The following AKR1B10 variants were observed in gnomAD, a reference collection of about 807,000 sequenced individuals.
AKR1B10 encodes ARP.
Under a neutral mutation model 38.9 loss-of-function variants are expected in AKR1B10, and 39 were observed. The ratio of observed to expected loss-of-function variants is 1.00; its 90% confidence interval spans 0.78 to 1.31. AKR1B10 has a LOEUF of 1.31. AKR1B10 is among the 50% of genes most tolerant of loss of function. AKR1B10 has a pLI of 0.00. For synonymous variants in AKR1B10, 148 were observed against 141.2 expected (o/e 1.05, Z -0.34); for missense variants, 361 against 382.6 (o/e 0.94, Z 0.47).
Position 134,531,873 on chromosome 7 carries a change from C to T in AKR1B10, c.235-35C>T. ...GAGTACAATGTGGCCCTTCCTTTTCCCAGTATTAATAGCTCATTGCTACAC... is the reference window on the plus strand; with the variant it reads ...GAGTACAATGTGGCCCTTCCTTTTCTCAGTATTAATAGCTCATTGCTACAC... On this transcript the variant is annotated intron_variant, in intron 2 of 9. Coordinates refer to ENST00000359579, the MANE Select transcript of AKR1B10 (RefSeq NM_020299.5). 4 of 1,612,114 alleles carry T rather than the reference C, an allele frequency of 2.5e-6. 1 individual carries two copies. The highest frequency in any genetic ancestry group is 3.4e-6 in the Non-Finnish European group (4 of 1,178,348).
chr7:134,538,922 C>G lies in AKR1B10; in HGVS notation c.826-13C>G. On this transcript the variant is annotated splice_polypyrimidine_tract_variant and intron_variant, in intron 8 of 9. Coordinates refer to ENST00000359579, the MANE Select transcript of AKR1B10 (RefSeq NM_020299.5). ...GCCTTACTGATGATGTATTGGAACT[C>G]CTACCTTTCCAGGTCTTTGACTTTA... 6.2e-7 allele frequency: 1 copy of G among 1,614,018 alleles called. No individual in the cohort carries two copies. The highest frequency in any genetic ancestry group is 8.5e-7 in the Non-Finnish European group (1 of 1,179,944).
chr7:134,527,734 T>TTAAGAA lies in AKR1B10; in HGVS notation c.-178_-177insTAAGAA. 5.1e-6 allele frequency: 3 copies of TTAAGAA among 586,950 alleles called. No homozygotes were observed. The highest frequency in any genetic ancestry group is 5.2e-6 in the Non-Finnish European group (2 of 386,476). 36.4% of individuals were successfully genotyped at this position (586,950 alleles called of 1,614,324 possible). On this transcript the variant is annotated 5_prime_UTR_variant, in exon 1 of 10. Coordinates refer to ENST00000359579, the MANE Select transcript of AKR1B10 (RefSeq NM_020299.5). Reference sequence around the variant, plus strand: ...CACGGTGGGCGCCTGTAATCCCAGCTACTCGGGAGGCTGAGGCAGGAGAAT... The same window carrying TTAAGAA: ...CACGGTGGGCGCCTGTAATCCCAGCTTAAGAAACTCGGGAGGCTGAGGCAGGAGAAT...
chr7:134,539,038 T>A, intron 9 of AKR1B10, 21 bp downstream of exon 9: 1 of 1,613,796 alleles, frequency 6.2e-7, no homozygotes, highest in Non-Finnish European at 8.5e-7. Flanking sequence ...TGGAGTTAAC[T>A]AGAAGCATTG....
At position 134,538,925 on chromosome 7, in the gene AKR1B10, A is replaced by T. The variant is rs748241809; in HGVS notation, c.826-10A>T. Reference sequence around the variant, plus strand: ...TTACTGATGATGTATTGGAACTCCTACCTTTCCAGGTCTTTGACTTTAAAT... The same window carrying T: ...TTACTGATGATGTATTGGAACTCCTTCCTTTCCAGGTCTTTGACTTTAAAT... On this transcript the variant is annotated splice_polypyrimidine_tract_variant and intron_variant, in intron 8 of 9. Coordinates refer to ENST00000359579, the MANE Select transcript of AKR1B10 (RefSeq NM_020299.5). The T allele has an allele frequency of 2.5e-6, 4 of 1,613,846 alleles. No homozygotes were observed. Among genetic ancestry groups the T allele is most frequent in the Non-Finnish European group, 3.4e-6 (4 of 1,179,962 alleles).
intron 2 of AKR1B10, 30 bp downstream of exon 2, chr7:134,530,840 C>A: frequency 6.3e-7 from 1 of 1,584,600 alleles, no homozygotes; most frequent in Non-Finnish European, 8.6e-7. Flanking sequence ...GGGAGGCCTT[C>A]ACTTCAAGGC....
chr7:134,530,317 G>T (rs994874866), intron 1 of AKR1B10, among the ~76,000 whole-genome samples: 1 of 152,142 alleles, frequency 6.6e-6, no homozygotes, highest in African/African-American at 2.4e-5. Flanking sequence ...GCTAGGATAG[G>T]ACATAAGGAC....
At chr7:134,537,402 G>T (rs180671870) in intron 6 of AKR1B10, among the ~76,000 whole-genome samples, 178 bp from the exon 7 acceptor site, 1 of 152,236 alleles carries the variant, frequency 6.6e-6, no homozygotes, top group East Asian at 1.9e-4. Context: ...GGTGAACCAG[G>T]CTTTGCAAAA....
chr7:134,532,731 G>C (rs1807894703), intron 3 of AKR1B10, among the ~76,000 whole-genome samples: 2 of 152,300 alleles, frequency 1.3e-5, no homozygotes. Context: ...ATGGGATCTA[G>C]GTGTATGAGG....
chr7:134,539,098 C>G, intron 9 of AKR1B10, 81 bp downstream of exon 9: 3 of 1,535,556 alleles, frequency 2.0e-6, no homozygotes, highest in Non-Finnish European at 2.7e-6. Context: ...GATTGGAAGG[C>G]TGCTGGGACT....
chr7:134,539,120 C>T, intron 9 of AKR1B10, 103 bp downstream of exon 9: 2 of 1,421,016 alleles, frequency 1.4e-6, no homozygotes, highest in South Asian at 2.5e-5. Context: ...CTTGTGTCTT[C>T]AAATACTATT....
At position 134,534,392 on chromosome 7, in the gene AKR1B10, G is replaced by T. The variant is rs542603296; in HGVS notation, c.429+1311G>T. 1.8e-3 allele frequency among the ~76,000 whole-genome samples: 276 copies of T among 152,284 alleles called. 1 individual carries two copies. The highest frequency in any genetic ancestry group is 6.0e-3 in the African/African-American group (250 of 41,576). On this transcript the variant is annotated intron_variant, in intron 4 of 9. Transcript: ENST00000359579. ...CTGTCTTGGCCTCCCAAAGTGCTCAGATTACAGGTGTGAGCCACCACACCT... is the reference window on the plus strand; with the variant it reads ...CTGTCTTGGCCTCCCAAAGTGCTCATATTACAGGTGTGAGCCACCACACCT...
rs1808061326 is a variant in AKR1B10 at position 134,538,179 on chromosome 7, C to T, written c.742-15C>T. 18 of 1,612,388 alleles carry T rather than the reference C, an allele frequency of 1.1e-5. No homozygotes were observed. The highest frequency in any genetic ancestry group is 1.5e-5 in the Non-Finnish European group (18 of 1,178,462). On this transcript the variant is annotated splice_polypyrimidine_tract_variant and intron_variant, in intron 7 of 9. Transcript: ENST00000359579. ...TTGGAGCTGAGTGGAAGCCTGATGT[C>T]CCCTTTCCGCATAGGTTCTGATCCG...
chr7:134,530,943 A>C (rs1380558958), intron 2 of AKR1B10, 133 bp downstream of exon 2: 12 of 1,244,340 alleles, frequency 9.6e-6, no homozygotes, highest in Non-Finnish European at 1.0e-5. Flanking sequence ...AACATCCGTG[A>C]ATACAACACT....
chr7:134,528,695 A>T (rs1039253531), intron 1 of AKR1B10, among the ~76,000 whole-genome samples: 7 of 152,138 alleles, frequency 4.6e-5, no homozygotes, highest in Non-Finnish European at 8.8e-5. Flanking sequence ...ACTGCACTCC[A>T]GTCTGGGCAA....
chr7:134,538,358 A>G, intron 8 of AKR1B10, 81 bp downstream of exon 8: 1 of 1,355,688 alleles, frequency 7.4e-7, no homozygotes, highest in Non-Finnish European at 1.0e-6. Context: ...TTCTCACCTC[A>G]TCGCTGCATT....
intron 9 of AKR1B10, among the ~76,000 whole-genome samples, chr7:134,539,279 C>G (rs1222910193): frequency 1.3e-5 from 2 of 152,096 alleles, no homozygotes; most frequent in Admixed American, 6.5e-5. Flanking sequence ...GCAGAACATT[C>G]ATTTATTCAT....
intron 9 of AKR1B10, among the ~76,000 whole-genome samples, chr7:134,540,289 AC>A (rs1808115441): frequency 1.3e-5 from 2 of 152,160 alleles, no homozygotes; most frequent in South Asian, 4.2e-4. Flanking sequence ...TATCCTGCCC[AC>A]CCTAAGTATC....
At chr7:134,528,043 C>T in intron 1 of AKR1B10, 66 bp downstream of exon 1, 3 of 1,583,724 alleles carry the variant, frequency 1.9e-6, no homozygotes, top group East Asian at 2.3e-5. Context: ...TCTCTTTCTG[C>T]ATTCAGCCAG....
At chr7:134,536,347 A>G (rs1401730103) in intron 4 of AKR1B10, among the ~76,000 whole-genome samples, 1 of 99,610 alleles carries the variant, frequency 1.0e-5, no homozygotes, top group African/African-American at 4.1e-5. Flanking sequence ...CAAAACTTTC[A>G]TATTTCCCCT....
Sources: allele counts gnomAD v4.1 joint callset (sites outside exome capture counted in the v4.1 genomes callset), GRCh38; gene constraint gnomAD v4.1.1; transcripts MANE v1.5; gene names NCBI Gene and HGNC (gene_info 2026-07-23, HGNC 2026-07-21).